The following SV2C variants were observed in gnomAD, a reference collection of about 807,000 sequenced individuals.
SV2C encodes synaptic vesicle glycoprotein 2C, also known as solute carrier family 22 member B3.
SV2C carries 49 observed loss-of-function variants against 79.7 expected under a neutral mutation model. That is an observed-to-expected ratio of 0.61 (90% CI 0.49 to 0.78). SV2C has a LOEUF of 0.78. Among genes scored for constraint, SV2C ranks in the 30% least tolerant of loss-of-function variants. The pLI, the probability that SV2C is intolerant of heterozygous loss-of-function variation, is 0.00. For missense variants in SV2C, 833 were observed against 912.9 expected (o/e 0.91, Z 1.13); for synonymous variants, 334 against 333.2 (o/e 1.00, Z -0.03).
At chr5:75,850,315 TGGTG>T in the SV2C span, among the ~76,000 whole-genome samples, 1 of 152,202 alleles carries the variant, frequency 6.6e-6, no homozygotes, top group South Asian at 2.1e-4. Context: ...TTCCCGTGAT[TGGTG>T]TGATCATGTT....
chr5:75,901,147 A>G, the SV2C span, among the ~76,000 whole-genome samples: 2 of 152,142 alleles, frequency 1.3e-5, no homozygotes, highest in African/African-American at 4.8e-5. Context: ...TTCCTTTGGA[A>G]GAGGAGAGTC....
At chr5:76,079,143 T>C, upstream of SV2C, 1 of 336,612 alleles carries the variant, frequency 3.0e-6, no homozygotes, top group Non-Finnish European at 6.0e-6. Context: ...AGAAGCAATT[T>C]GGAAATATTC....
chr5:76,012,085 T>C, the SV2C span, among the ~76,000 whole-genome samples: 1 of 152,202 alleles, frequency 6.6e-6, no homozygotes. Flanking sequence ...GCATGTGTCT[T>C]TATAGTAGAA....
the SV2C span, among the ~76,000 whole-genome samples, chr5:76,056,932 A>T: frequency 2.6e-5 from 4 of 151,076 alleles, no homozygotes; most frequent in African/African-American, 9.7e-5. Context: ...TTATTTTGTT[A>T]ATTAAAAAAA....
intron 1 of SV2C, among the ~76,000 whole-genome samples, chr5:76,102,312 C>G (rs571869928): frequency 2.0e-5 from 3 of 152,130 alleles, no homozygotes; most frequent in African/African-American, 7.2e-5. Flanking sequence ...CCACCTCCCA[C>G]CCACCCACCA....
the SV2C span, among the ~76,000 whole-genome samples, chr5:76,001,546 G>A: frequency 2.6e-5 from 4 of 151,648 alleles, no homozygotes; most frequent in Non-Finnish European, 5.9e-5. Context: ...AGCTTGCAGC[G>A]CCACTGCACT....
Position 76,150,626 on chromosome 5 carries a change from C to CTTTTTTT in SV2C, c.580+18319_580+18325dup, listed in dbSNP as rs57910684. 4.4e-4 allele frequency among the ~76,000 whole-genome samples: 25 copies of CTTTTTTT among 56,494 alleles called. 3 individuals carry two copies. Among genetic ancestry groups the CTTTTTTT allele is most frequent in the Admixed American group, 2.5e-3 (8 of 3,218 alleles). The allele number at this position is 56,494 out of a possible 152,430, so 37.1% of individuals were successfully genotyped here. On this transcript the variant is annotated intron_variant, in intron 2 of 12. Transcript: ENST00000502798. ...TATTCGTCTGTTTATTCATCAAATT[C>CTTTTTTT]TTTTTTTTTTTTTTTTTTTTTTTTT... is the stretch of plus-strand genomic sequence containing the variant.
At chr5:76,179,062 A>G (rs1743633598) in intron 2 of SV2C, among the ~76,000 whole-genome samples, 1 of 152,206 alleles carries the variant, frequency 6.6e-6, no homozygotes, top group Non-Finnish European at 1.5e-5. Context: ...AATTATAGAG[A>G]TAGGACTGAT....
intron 2 of SV2C, among the ~76,000 whole-genome samples, chr5:76,151,485 G>C (rs1749602620): frequency 6.6e-6 from 1 of 152,164 alleles, no homozygotes. Context: ...CTTGAGATGG[G>C]AATCAGCTGA....
At chr5:75,862,556 C>T in the SV2C span, among the ~76,000 whole-genome samples, 2 of 152,148 alleles carry the variant, frequency 1.3e-5, no homozygotes, top group Non-Finnish European at 2.9e-5. Flanking sequence ...ATGAGCCTTC[C>T]ACAAACCAGG....
intron 2 of SV2C, among the ~76,000 whole-genome samples, chr5:76,181,837 CATAA>C (rs1352773828): frequency 6.6e-6 from 1 of 152,184 alleles, no homozygotes; most frequent in Non-Finnish European, 1.5e-5. Context: ...CGCAGGAACC[CATAA>C]GTGACTCCTC....
the SV2C span, among the ~76,000 whole-genome samples, chr5:75,853,555 CAAAAAAA>C: frequency 6.9e-5 from 2 of 28,980 alleles, no homozygotes; most frequent in Admixed American, 4.6e-4. Context: ...GACTCCTTCT[CAAAAAAA>C]AAAAAAAAAA....
At chr5:75,963,217 G>T in the SV2C span, among the ~76,000 whole-genome samples, 1 of 152,100 alleles carries the variant, frequency 6.6e-6, no homozygotes, top group Non-Finnish European at 1.5e-5. Context: ...GAAAACCTCT[G>T]TGTTTCATTG....
chr5:76,186,701 A>AACAAACAC (rs1743929996), intron 2 of SV2C, among the ~76,000 whole-genome samples: 1 of 151,618 alleles, frequency 6.6e-6, no homozygotes. Context: ...CAAACAAACA[A>AACAAACAC]ACAAAGACAT....
rs1744978431 is a variant in SV2C at position 76,218,788 on chromosome 5, G to A, written c.913+8901G>A. Among the ~76,000 whole-genome samples the A allele has an allele frequency of 4.6e-3, 3 of 652 alleles. 1 individual carries two copies. In the Admixed American group the frequency reaches 0.058, roughly 13 times the overall value. The allele number at this position is 652 out of a possible 152,430, so 0.4% of individuals were successfully genotyped here. On this transcript the variant is annotated intron_variant, in intron 4 of 12. Transcript: ENST00000502798. The stretch of plus-strand genomic sequence containing the variant: ...AATAAAATAAAATAATACAATTGCT[G>A]TATTAAAGGATGGCATACAAAAAGT...
the SV2C span, among the ~76,000 whole-genome samples, chr5:75,891,660 A>C: frequency 2.6e-5 from 4 of 152,158 alleles, no homozygotes; most frequent in Non-Finnish European, 2.9e-5. Flanking sequence ...GATGGCATGA[A>C]ATAGAAATGT....
the SV2C span, among the ~76,000 whole-genome samples, chr5:76,043,285 A>G: frequency 6.6e-6 from 1 of 152,272 alleles, no homozygotes; most frequent in South Asian, 2.1e-4. Context: ...TAGTACCAGG[A>G]TTGGTCTGTG....
intron 12 of SV2C, among the ~76,000 whole-genome samples, chr5:76,341,550 C>T (rs1353668253): frequency 6.6e-6 from 1 of 152,168 alleles, no homozygotes; most frequent in African/African-American, 2.4e-5. Flanking sequence ...TGAGTCCTGA[C>T]TTGGCCACTT....
the SV2C span, among the ~76,000 whole-genome samples, chr5:75,979,997 C>T: frequency 6.6e-6 from 1 of 152,084 alleles, no homozygotes; most frequent in East Asian, 1.9e-4. Flanking sequence ...TAAGAAAAGA[C>T]AGAAGACGCA....
Sources: allele counts gnomAD v4.1 joint callset (sites outside exome capture counted in the v4.1 genomes callset), GRCh38; gene constraint gnomAD v4.1.1; transcripts MANE v1.5; gene names NCBI Gene and HGNC (gene_info 2026-07-23, HGNC 2026-07-21).